Variants in EYS observed in about 807,000 individuals in gnomAD.
EYS encodes EGF-like photoreceptor maintenance factor.
A neutral mutation model predicts 282.1 loss-of-function variants in EYS; 250 were observed. The ratio of observed to expected loss-of-function variants is 0.89; its 90% CI spans 0.80 to 0.98. EYS has a LOEUF of 0.98. Ranked by LOEUF, EYS falls within the 50% of genes least tolerant of loss-of-function variation. EYS has a pLI of 0.00. For missense variants in EYS, 4,016 were observed against 3,709.0 expected (o/e 1.08, Z -2.15); for synonymous variants, 1,355 against 1,282.9 (o/e 1.06, Z -1.20).
At chr6:64,320,934 AC>A (rs1183133672) in intron 29 of EYS, among the ~76,000 whole-genome samples, 1 of 151,780 alleles carries the variant, frequency 6.6e-6, no homozygotes, top group African/African-American at 2.4e-5. Flanking sequence ...CTATTTTTAA[AC>A]GAAAAATTCC....
At chr6:64,455,687 G>C (rs1186289026) in intron 26 of EYS, among the ~76,000 whole-genome samples, 1 of 152,008 alleles carries the variant, frequency 6.6e-6, no homozygotes, top group African/African-American at 2.4e-5. Flanking sequence ...TCCCACTTAT[G>C]AGTGAGAACA....
chr6:64,119,676 T>G (rs1349306144), intron 31 of EYS, among the ~76,000 whole-genome samples: 1 of 152,176 alleles, frequency 6.6e-6, no homozygotes, highest in Non-Finnish European at 1.5e-5. Flanking sequence ...TTAATATAGC[T>G]AAGGATATAG....
intron 12 of EYS, among the ~76,000 whole-genome samples, chr6:65,287,330 GA>G (rs1317176348): frequency 1.3e-5 from 2 of 151,394 alleles, no homozygotes; most frequent in Non-Finnish European, 3.0e-5. Context: ...ATGTTATGAT[GA>G]ATATATTTGG....
chr6:64,891,502 T>TA (rs1196193630), intron 18 of EYS, among the ~76,000 whole-genome samples: 8 of 151,998 alleles, frequency 5.3e-5, no homozygotes, highest in Admixed American at 2.0e-4. Flanking sequence ...TTCAAAACGT[T>TA]AAAAAAATAA....
chr6:64,325,164 G>T (rs1406190690), intron 29 of EYS, among the ~76,000 whole-genome samples: 1 of 152,146 alleles, frequency 6.6e-6, no homozygotes, highest in Admixed American at 6.6e-5. Flanking sequence ...GAAGGAAGTG[G>T]AGTGCTCCTG....
chr6:63,973,635 C>T (rs1452608177), intron 35 of EYS, among the ~76,000 whole-genome samples: 1 of 152,050 alleles, frequency 6.6e-6, no homozygotes, highest in South Asian at 2.1e-4. Context: ...AAGATAAATT[C>T]GTATGAGAAC....
intron 22 of EYS, among the ~76,000 whole-genome samples, chr6:64,698,251 A>G (rs1583054143): frequency 6.6e-6 from 1 of 152,256 alleles, no homozygotes; most frequent in Middle Eastern, 3.4e-3. Flanking sequence ...TAAATTAACA[A>G]CCTGCCATTA....
At chr6:64,541,658 C>A (rs935069987) in intron 26 of EYS, among the ~76,000 whole-genome samples, 2 of 152,096 alleles carry the variant, frequency 1.3e-5, no homozygotes, top group Non-Finnish European at 2.9e-5. Context: ...TGCCATTCAC[C>A]TTCCTAATCC....
chr6:65,678,864 C>A (rs1768720617), intron 1 of EYS, among the ~76,000 whole-genome samples: 1 of 148,390 alleles, frequency 6.7e-6, no homozygotes, highest in African/African-American at 2.5e-5. Flanking sequence ...TGAAAAGATG[C>A]TAAATCTTTT....
intron 1 of EYS, among the ~76,000 whole-genome samples, chr6:65,702,059 G>A (rs993305134): frequency 8.6e-5 from 13 of 152,036 alleles, no homozygotes; most frequent in Admixed American, 1.3e-4. Context: ...TTAACAAATC[G>A]TCACCACCAC....
At chr6:64,553,675 T>A (rs891218666) in intron 26 of EYS, among the ~76,000 whole-genome samples, 3 of 151,948 alleles carry the variant, frequency 2.0e-5, no homozygotes, top group Non-Finnish European at 2.9e-5. Flanking sequence ...GTATCCTGAG[T>A]TAACTCTGTG....
intron 10 of EYS, among the ~76,000 whole-genome samples, chr6:65,341,822 C>A (rs572446711): frequency 6.6e-6 from 1 of 151,220 alleles, no homozygotes; most frequent in South Asian, 2.1e-4. Context: ...ATTCATTTTT[C>A]ACTTTTTCTC....
chr6:64,833,396 C>T (rs748945324), intron 19 of EYS, among the ~76,000 whole-genome samples: 9 of 151,750 alleles, frequency 5.9e-5, no homozygotes, highest in Non-Finnish European at 5.9e-5. Context: ...TGGGATGTAC[C>T]GGCATGACTA....
At chr6:64,752,201 A>T (rs1019261231) in intron 22 of EYS, among the ~76,000 whole-genome samples, 2 of 152,144 alleles carry the variant, frequency 1.3e-5, no homozygotes, top group African/African-American at 4.8e-5. Flanking sequence ...ATGTGATTTA[A>T]AAAAAACTCA....
chr6:64,073,738 C>G (rs2149861640), intron 32 of EYS, among the ~76,000 whole-genome samples: 1 of 151,534 alleles, frequency 6.6e-6, no homozygotes, highest in East Asian at 1.9e-4. Flanking sequence ...ATGTAGACAT[C>G]AAGCAATGTG....
intron 26 of EYS, among the ~76,000 whole-genome samples, chr6:64,458,131 C>T (rs376386917): frequency 2.0e-5 from 3 of 152,010 alleles, no homozygotes; most frequent in African/African-American, 7.2e-5. Flanking sequence ...TCTTAAATTA[C>T]ATATACCTTC....
At chr6:64,886,959 T>C (rs998628850) in intron 18 of EYS, 117 bp from the exon 19 acceptor site, 5 of 693,270 alleles carry the variant, frequency 7.2e-6, no homozygotes, top group African/African-American at 5.7e-5. Flanking sequence ...ATAAATAATA[T>C]ATGTATTTCA....
At chr6:64,641,228 T>C (rs4495258) in intron 22 of EYS, among the ~76,000 whole-genome samples, 105 of 152,256 alleles carry the variant, frequency 6.9e-4, no homozygotes, top group African/African-American at 2.3e-3. Flanking sequence ...CTTGCACAGA[T>C]GGCAGCAGGC....
chr6:64,938,260 G>A (rs918364681), intron 15 of EYS, among the ~76,000 whole-genome samples: 2 of 151,356 alleles, frequency 1.3e-5, no homozygotes, highest in Non-Finnish European at 3.0e-5. Context: ...CCTTTTCCAT[G>A]GTTTTGCTTT....
Sources: gnomAD v4.1 joint callset for allele counts (sites outside exome capture counted in the v4.1 genomes callset) on GRCh38, gnomAD v4.1.1 for gene constraint, MANE v1.5 for transcripts, NCBI Gene and HGNC (gene_info 2026-07-23, HGNC 2026-07-21) for gene names.